NOX4: variants seen among roughly 807,000 people sequenced by gnomAD.
NOX4 encodes the protein kidney oxidase-1.
Under a neutral mutation model 87.6 loss-of-function variants are expected in NOX4, and 69 were observed. The observed-to-expected ratio is 0.79, with a 90% CI of 0.65 to 0.96. The LOEUF (loss-of-function observed/expected upper bound fraction) is 0.96, where lower values mean the gene tolerates loss of function less well. Ranked by LOEUF, NOX4 falls within the 40% of genes least tolerant of loss-of-function variation. The pLI is 0.00. For missense variants in NOX4, 680 were observed against 681.5 expected, an observed-to-expected ratio of 1.00 and a Z score of 0.02; for synonymous variants, 275 against 238.2, an observed-to-expected ratio of 1.15 and a Z score of -1.42.
chr11:89,430,936 G>A (rs575876124), intron 7 of NOX4, among the ~76,000 whole-genome samples: 13 of 152,196 alleles, frequency 8.5e-5, no homozygotes, highest in South Asian at 2.1e-4. Context: ...GAGGCATCAC[G>A]CTACCTGACT....
At chr11:89,419,541 T>G (rs1439266132) in intron 8 of NOX4, among the ~76,000 whole-genome samples, 2 of 151,974 alleles carry the variant, frequency 1.3e-5, no homozygotes, top group African/African-American at 2.4e-5. Context: ...TATTGTATTA[T>G]GTATGGGTTG....
At chr11:89,494,259 G>A (rs552621561), upstream of NOX4, among the ~76,000 whole-genome samples, 1 of 152,298 alleles carries the variant, frequency 6.6e-6, no homozygotes, top group South Asian at 2.1e-4. Context: ...TAAGCTAGTA[G>A]TATAACACTG....
At chr11:89,510,636 C>A in the NOX4 span, among the ~76,000 whole-genome samples, 114,421 of 151,926 alleles carry the variant, frequency 0.75, 43,306 homozygotes, top group Admixed American at 0.79. Context: ...AGCAGACACC[C>A]ATAGTTTAAG....
chr11:89,384,723 A>T (rs371784906), intron 11 of NOX4, among the ~76,000 whole-genome samples: 1 of 152,096 alleles, frequency 6.6e-6, no homozygotes, highest in African/African-American at 2.4e-5. Context: ...ACCATTTTTC[A>T]TTACACACAG....
chr11:89,443,043 C>T (rs1380316705), intron 5 of NOX4, among the ~76,000 whole-genome samples: 3 of 151,910 alleles, frequency 2.0e-5, no homozygotes, highest in African/African-American at 4.8e-5. Flanking sequence ...TGCTAAGGAG[C>T]GGGAATTTTT....
At chr11:89,559,616 T>C in the NOX4 span, among the ~76,000 whole-genome samples, 1 of 152,200 alleles carries the variant, frequency 6.6e-6, no homozygotes, top group African/African-American at 2.4e-5. Flanking sequence ...TATAGATAGA[T>C]AATAATCAAA....
In NOX4 at chr11:89,440,691, T is replaced by C. The variant is rs760693079; in HGVS notation, c.472A>G (p.Thr158Ala). ...DEDPRKLLFT[T>A]VPGLTGVCMV... is the part of the protein sequence containing the mutation. ...AAGGCTAAGAATAACAACTTACCAG[T>C]TGTGAAGAGAAGTTTTCTAGGATCC... Residue 158 changes from threonine (T) to alanine (A), a missense_variant, in exon 6 of 18, where the codon ACT becomes GCT. Transcript: ENST00000263317. 2.6e-6 allele frequency: 4 copies of C among 1,548,782 alleles called. No individual in the cohort carries two copies. In the African/African-American group the frequency reaches 4.2e-5, roughly 16 times the overall value.
intron 12 of NOX4, among the ~76,000 whole-genome samples, chr11:89,368,728 T>C (rs1313102942): frequency 6.6e-6 from 1 of 152,054 alleles, no homozygotes; most frequent in Admixed American, 6.6e-5. Context: ...ATTCACACCA[T>C]GGGAATGATG....
chr11:89,423,753 A>AATATAT (rs146870519), intron 7 of NOX4, among the ~76,000 whole-genome samples: 21 of 151,134 alleles, frequency 1.4e-4, no homozygotes, highest in Non-Finnish European at 3.0e-4. Flanking sequence ...ACTCCTTAAA[A>AATATAT]ATATATATAT....
chr11:89,420,979 T>A (rs911371365), intron 8 of NOX4, among the ~76,000 whole-genome samples: 15 of 152,216 alleles, frequency 9.9e-5, no homozygotes, highest in African/African-American at 3.1e-4. Context: ...TCCTGTGGAG[T>A]ACGAATGAGC....
chr11:89,415,301 T>C (rs980548522), intron 8 of NOX4, among the ~76,000 whole-genome samples: 1 of 152,110 alleles, frequency 6.6e-6, no homozygotes, highest in African/African-American at 2.4e-5. Flanking sequence ...AGTTGTTCAT[T>C]ATATTTGTCA....
intron 13 of NOX4, among the ~76,000 whole-genome samples, chr11:89,352,754 G>T (rs2134966230): frequency 6.6e-6 from 1 of 152,268 alleles, no homozygotes; most frequent in South Asian, 2.1e-4. Flanking sequence ...GTTAATAAAT[G>T]AAAAGTTGCT....
At chr11:89,364,574 A>G (rs752726001) in intron 12 of NOX4, among the ~76,000 whole-genome samples, 1 of 152,092 alleles carries the variant, frequency 6.6e-6, no homozygotes, top group Non-Finnish European at 1.5e-5. Context: ...AAACCCATAC[A>G]TGTAATTTTC....
chr11:89,501,153 G>T (rs1947012858), upstream of NOX4, among the ~76,000 whole-genome samples: 1 of 152,012 alleles, frequency 6.6e-6, no homozygotes, highest in Admixed American at 6.6e-5. Context: ...TGTTACAAGA[G>T]ACATGAAATA....
chr11:89,409,038 G>A (rs1313244725), intron 8 of NOX4, among the ~76,000 whole-genome samples: 4 of 151,984 alleles, frequency 2.6e-5, no homozygotes, highest in Non-Finnish European at 5.9e-5. Flanking sequence ...AAGAGAAATA[G>A]TACCTGTTCC....
intron 7 of NOX4, among the ~76,000 whole-genome samples, chr11:89,429,322 A>G (rs1403699472): frequency 6.6e-6 from 1 of 152,178 alleles, no homozygotes. Context: ...GAGCAAACAC[A>G]TTCAAAAGCT....
the NOX4 span, among the ~76,000 whole-genome samples, chr11:89,570,506 G>A: frequency 6.6e-6 from 1 of 152,072 alleles, no homozygotes; most frequent in East Asian, 1.9e-4. Context: ...AAAAAAGTTG[G>A]AAAGAAAAAA....
intron 14 of NOX4, among the ~76,000 whole-genome samples, chr11:89,341,835 G>A: frequency 6.6e-6 from 1 of 152,076 alleles, no homozygotes; most frequent in East Asian, 1.9e-4. Context: ...TTTTAACAGA[G>A]GAAAAGGACA....
At chr11:89,483,674 C>T (rs2135477755) in intron 2 of NOX4, among the ~76,000 whole-genome samples, 1 of 151,938 alleles carries the variant, frequency 6.6e-6, no homozygotes, top group South Asian at 2.1e-4. Context: ...AGAATAAGTT[C>T]AAGAGATCTA....
Sources: allele counts gnomAD v4.1 joint callset (sites outside exome capture counted in the v4.1 genomes callset), GRCh38; gene constraint gnomAD v4.1.1; transcripts MANE v1.5; gene names NCBI Gene and HGNC (gene_info 2026-07-23, HGNC 2026-07-21).